The following PDE4D variants were observed in gnomAD, a reference collection of about 807,000 sequenced individuals.
PDE4D encodes 3',5'-cyclic-AMP phosphodiesterase 4D.
PDE4D carries 24 observed loss-of-function variants against 87.4 expected under a neutral mutation model. That is an observed-to-expected ratio of 0.27 (90% CI 0.20 to 0.39). The LOEUF is 0.39. PDE4D is among the 10% of genes least tolerant of loss of function. PDE4D has a pLI of 1.00. For synonymous variants in PDE4D, 384 were observed against 383.2 expected, an observed-to-expected ratio of 1.00 and a Z score of -0.02; for missense variants, 714 against 1,041.0, an observed-to-expected ratio of 0.69 and a Z score of 4.32.
chr5:59,319,655 A>G (rs901837974), intron 1 of PDE4D, among the ~76,000 whole-genome samples: 3 of 152,154 alleles, frequency 2.0e-5, no homozygotes, highest in Non-Finnish European at 4.4e-5. Context: ...TGTTACTAAT[A>G]TATCTGAGGT....
intron 1 of PDE4D, among the ~76,000 whole-genome samples, chr5:60,428,685 T>A (rs542913499): frequency 1.3e-5 from 2 of 152,348 alleles, no homozygotes; most frequent in East Asian, 3.9e-4. Flanking sequence ...ATAAAGAATT[T>A]TCATAATGTA....
At chr5:59,729,502 G>A (rs977886652) in intron 1 of PDE4D, among the ~76,000 whole-genome samples, 5 of 152,014 alleles carry the variant, frequency 3.3e-5, no homozygotes, top group Admixed American at 2.0e-4. Context: ...AGCTCACCTG[G>A]CAAACTAAAA....
chr5:58,985,076 A>AT (rs1439158566), intron 11 of PDE4D, among the ~76,000 whole-genome samples: 2 of 151,426 alleles, frequency 1.3e-5, no homozygotes, highest in Non-Finnish European at 2.9e-5. Context: ...CACCTGGCTA[A>AT]TTTTTTTGTA....
chr5:59,455,099 G>A (rs1363597995), intron 1 of PDE4D, among the ~76,000 whole-genome samples: 1 of 152,216 alleles, frequency 6.6e-6, no homozygotes, highest in Non-Finnish European at 1.5e-5. Context: ...CATTTTCTGT[G>A]GAGAAATTCA....
At chr5:59,560,598 G>A (rs1819810712) in intron 1 of PDE4D, among the ~76,000 whole-genome samples, 1 of 152,226 alleles carries the variant, frequency 6.6e-6, no homozygotes, top group Non-Finnish European at 1.5e-5. Flanking sequence ...AGTTTTCACA[G>A]GATGTGGTGA....
chr5:59,246,491 G>A (rs27187), intron 1 of PDE4D, among the ~76,000 whole-genome samples: 124,921 of 152,106 alleles, frequency 0.82, 51,631 homozygotes, highest in African/African-American at 0.91. Flanking sequence ...TAGGCCTTCC[G>A]TCTCTTATTT....
intron 1 of PDE4D, among the ~76,000 whole-genome samples, chr5:59,773,647 A>C (rs1398432163): frequency 6.6e-6 from 1 of 152,114 alleles, no homozygotes; most frequent in Non-Finnish European, 1.5e-5. Context: ...ATTAAACTCC[A>C]TGATAGTTTT....
At chr5:59,661,914 T>C (rs1188812741) in intron 1 of PDE4D, among the ~76,000 whole-genome samples, 1 of 152,226 alleles carries the variant, frequency 6.6e-6, no homozygotes, top group East Asian at 1.9e-4. Context: ...TAGACTATAT[T>C]ATTGTTCTCA....
intron 1 of PDE4D, among the ~76,000 whole-genome samples, chr5:59,596,408 G>A (rs950178340): frequency 5.3e-5 from 8 of 150,890 alleles, no homozygotes; most frequent in Admixed American, 2.6e-4. Context: ...AATTGACTAC[G>A]CAGAGACATT....
chr5:60,422,187 C>G (rs900466864), intron 1 of PDE4D, among the ~76,000 whole-genome samples: 1 of 152,122 alleles, frequency 6.6e-6, no homozygotes, highest in African/African-American at 2.4e-5. Context: ...TCAGGAAATA[C>G]AGAGAACATC....
At chr5:60,492,232 C>A (rs2150235986), upstream of PDE4D, among the ~76,000 whole-genome samples, 1 of 151,904 alleles carries the variant, frequency 6.6e-6, no homozygotes, top group South Asian at 2.1e-4. Context: ...AGTTTGAGAC[C>A]ACCCTGAGCA....
intron 3 of PDE4D, among the ~76,000 whole-genome samples, chr5:59,942,395 C>A (rs1243943474): frequency 1.3e-5 from 2 of 152,160 alleles, no homozygotes; most frequent in Non-Finnish European, 2.9e-5. Context: ...TAAGCAAAAG[C>A]TTAAGAAAAG....
chr5:60,221,563 G>C (rs752026865), intron 1 of PDE4D, among the ~76,000 whole-genome samples: 23 of 152,022 alleles, frequency 1.5e-4, no homozygotes, highest in Middle Eastern at 6.8e-3. Context: ...TAAATTTGAT[G>C]GAATATTTCC....
intron 1 of PDE4D, among the ~76,000 whole-genome samples, chr5:59,882,976 G>A (rs1243613163): frequency 6.6e-6 from 1 of 152,022 alleles, no homozygotes; most frequent in East Asian, 1.9e-4. Context: ...ACAGGGTTTC[G>A]CCATGTTGGC....
At chr5:60,123,825 A>C (rs1239385394) in intron 2 of PDE4D, among the ~76,000 whole-genome samples, 2 of 152,242 alleles carry the variant, frequency 1.3e-5, no homozygotes, top group Admixed American at 1.3e-4. Context: ...TTAGATCAGC[A>C]TTTGAATTTG....
chr5:59,149,596 G>GA (rs1269977673), intron 5 of PDE4D, among the ~76,000 whole-genome samples: 1 of 150,972 alleles, frequency 6.6e-6, no homozygotes, highest in African/African-American at 2.4e-5. Flanking sequence ...TTCAGAGTCT[G>GA]AAAAAACAGT....
intron 1 of PDE4D, among the ~76,000 whole-genome samples, chr5:59,721,179 T>A (rs1389947106): frequency 6.6e-6 from 1 of 152,208 alleles, no homozygotes. Context: ...ATCTGATTGT[T>A]ATAGCCCAAA....
intron 1 of PDE4D, among the ~76,000 whole-genome samples, chr5:60,293,949 C>T (rs994871284): frequency 1.3e-5 from 2 of 152,106 alleles, no homozygotes; most frequent in African/African-American, 4.8e-5. Flanking sequence ...TCTGGGTAAA[C>T]AATAGGAGTG....
chr5:59,260,280 G>C (rs1215990368), intron 1 of PDE4D, among the ~76,000 whole-genome samples: 1 of 151,790 alleles, frequency 6.6e-6, no homozygotes, highest in Non-Finnish European at 1.5e-5. Flanking sequence ...TGCCTCGAAG[G>C]CTGGGACTTC....
Sources: allele counts gnomAD v4.1 joint callset (sites outside exome capture counted in the v4.1 genomes callset), GRCh38; gene constraint gnomAD v4.1.1; transcripts MANE v1.5; gene names NCBI Gene and HGNC (gene_info 2026-07-23, HGNC 2026-07-21).